The following STS variants were observed in gnomAD, a reference collection of about 807,000 sequenced individuals.
STS encodes steryl-sulfatase.
In STS, 7 loss-of-function variants were observed where a neutral mutation model predicts 26.8. That is an observed-to-expected ratio of 0.26 (90% CI 0.15 to 0.49). The LOEUF is 0.49. Ranked by LOEUF, STS falls within the 20% of genes least tolerant of loss-of-function variation. The pLI is 0.98. For missense variants in STS, 434 were observed against 465.6 expected, an observed-to-expected ratio of 0.93 and a Z score of 0.63; for synonymous variants, 199 against 189.4, an observed-to-expected ratio of 1.05 and a Z score of -0.42.
chrX:7,175,806 G>T (rs1384193418), intron 1 of STS, among the ~76,000 whole-genome samples: 6 of 111,489 alleles, frequency 5.4e-5, no homozygotes, highest in African/African-American at 2.0e-4. Flanking sequence ...CAGTTCATGA[G>T]CTAGAACCAT....
At chrX:7,334,801 C>A (rs1236292671) in intron 10 of STS, among the ~76,000 whole-genome samples, 1 of 112,772 alleles carries the variant, frequency 8.9e-6, no homozygotes, top group Non-Finnish European at 1.9e-5. Flanking sequence ...TTCTTCAGTT[C>A]TATCTCATTT....
At chrX:7,243,223 C>T (rs1922705210) in intron 2 of STS, among the ~76,000 whole-genome samples, 1 of 111,616 alleles carries the variant, frequency 9.0e-6, no homozygotes, top group Non-Finnish European at 1.9e-5. Context: ...CCACCACACC[C>T]AGCTAATTTT....
At chrX:7,148,733 G>A (rs1164754578) in intron 1 of STS, among the ~76,000 whole-genome samples, 2 of 112,247 alleles carry the variant, frequency 1.8e-5, no homozygotes, top group Admixed American at 1.9e-4. Context: ...CGCAGTGTGC[G>A]GAGAGGCTGC....
intron 2 of STS, among the ~76,000 whole-genome samples, chrX:7,241,931 A>AT (rs1170948931): frequency 1.2e-4 from 13 of 108,766 alleles, no homozygotes; most frequent in Non-Finnish European, 1.5e-4. Context: ...TGAAAGCCTC[A>AT]TTTTTTTTTG....
At chrX:7,314,153 G>A (rs1423170679) in intron 8 of STS, among the ~76,000 whole-genome samples, 2 of 111,720 alleles carry the variant, frequency 1.8e-5, no homozygotes, top group East Asian at 5.6e-4. Flanking sequence ...CCAGGAGTTC[G>A]AGACCAGTCT....
chrX:7,175,158 T>C (rs1933542702), intron 1 of STS, among the ~76,000 whole-genome samples: 1 of 99,898 alleles, frequency 1.0e-5, no homozygotes, highest in Admixed American at 1.1e-4. Context: ...TTCTATCTTT[T>C]TCACATAGAA....
chrX:7,324,379 C>A (rs1437660662), intron 8 of STS, among the ~76,000 whole-genome samples: 2 of 111,257 alleles, frequency 1.8e-5, no homozygotes, highest in African/African-American at 6.5e-5. Flanking sequence ...TGTTTCTTAT[C>A]AGACTTTAAA....
intron 10 of STS, among the ~76,000 whole-genome samples, chrX:7,339,572 C>T (rs1236510338): frequency 4.5e-5 from 5 of 112,272 alleles, no homozygotes; most frequent in African/African-American, 1.6e-4. Flanking sequence ...CAAGGTACAA[C>T]ATTTGTACTT....
chrX:7,260,686 A>G (rs1371090462), intron 6 of STS, among the ~76,000 whole-genome samples: 2 of 112,235 alleles, frequency 1.8e-5, no homozygotes, highest in East Asian at 5.6e-4. Flanking sequence ...CTGGGATTAC[A>G]GGTGTGAGCC....
intron 7 of STS, among the ~76,000 whole-genome samples, chrX:7,281,682 A>C (rs1924867870): frequency 8.9e-6 from 1 of 112,210 alleles, no homozygotes; most frequent in African/African-American, 3.2e-5. Flanking sequence ...AAGAAACACA[A>C]GAAAACTCTG....
At chrX:7,225,437 C>T (rs1921757348) in intron 2 of STS, among the ~76,000 whole-genome samples, 1 of 111,507 alleles carries the variant, frequency 9.0e-6, no homozygotes, top group African/African-American at 3.3e-5. Context: ...GCATAAGCTT[C>T]CAGGTATGTC....
At chrX:7,287,116 CT>C (rs1925171248) in intron 7 of STS, among the ~76,000 whole-genome samples, 1 of 111,144 alleles carries the variant, frequency 9.0e-6, no homozygotes, top group Non-Finnish European at 1.9e-5. Context: ...GTCTGGACAG[CT>C]TTCTCTTCAT....
chrX:7,279,341 GTGTGTGTGTGTGTGTGTATA>G (rs1206760926), intron 7 of STS, among the ~76,000 whole-genome samples: 2 of 74,572 alleles, frequency 2.7e-5, no homozygotes, highest in Non-Finnish European at 4.9e-5. Flanking sequence ...GTGTGTGTAT[GTGTGTGTGTGTGTGTGTATA>G]TGTGTGTGTG....
chrX:7,247,686 C>A (rs1922950839), intron 2 of STS, among the ~76,000 whole-genome samples: 1 of 111,920 alleles, frequency 8.9e-6, no homozygotes, highest in South Asian at 3.7e-4. Flanking sequence ...CCCTTTCTCC[C>A]AGCAATGGCT....
chrX:7,323,788 C>G (rs1456779958), intron 8 of STS, among the ~76,000 whole-genome samples: 1 of 111,618 alleles, frequency 9.0e-6, no homozygotes, highest in Non-Finnish European at 1.9e-5. Context: ...TTGCTGAAAG[C>G]TCTAGGGGAG....
chrX:7,343,346 C>G (rs759911965), intron 10 of STS, among the ~76,000 whole-genome samples: 1 of 112,066 alleles, frequency 8.9e-6, no homozygotes, highest in Non-Finnish European at 1.9e-5. Context: ...TGTCTTACGA[C>G]ATGTATTACA....
chrX:7,272,798 C>T (rs1924349028), intron 6 of STS, among the ~76,000 whole-genome samples: 1 of 111,407 alleles, frequency 9.0e-6, no homozygotes, highest in African/African-American at 3.3e-5. Flanking sequence ...GAAGAGAGCA[C>T]ATAAAGAGCT....
intron 2 of STS, among the ~76,000 whole-genome samples, chrX:7,252,600 G>A (rs911833162): frequency 1.8e-5 from 2 of 111,793 alleles, no homozygotes; most frequent in African/African-American, 6.5e-5. Flanking sequence ...AAGGAAGCAG[G>A]TTGCTGGAAC....
intron 2 of STS, among the ~76,000 whole-genome samples, chrX:7,221,954 T>C (rs1921587122): frequency 9.0e-6 from 1 of 111,232 alleles, no homozygotes; most frequent in African/African-American, 3.3e-5. Flanking sequence ...TATTTGGCGG[T>C]GGGGCTTTTG....
Sources: allele counts gnomAD v4.1 joint callset (sites outside exome capture counted in the v4.1 genomes callset), GRCh38; gene constraint gnomAD v4.1.1; transcripts MANE v1.5; gene names NCBI Gene and HGNC (gene_info 2026-07-23, HGNC 2026-07-21).